The following TLN2 variants were observed in gnomAD, a reference collection of about 807,000 sequenced individuals.
The protein encoded by TLN2 is talin 2, also known as talin-2.
Under a neutral mutation model 294.7 loss-of-function variants are expected in TLN2, and 118 were observed. The ratio of observed to expected loss-of-function variants is 0.40; its 90% CI spans 0.34 to 0.47. TLN2 has a LOEUF of 0.47. Among genes scored for constraint, TLN2 ranks in the 20% least tolerant of loss-of-function variants. The pLI is 0.84. For missense variants in TLN2, 3,083 were observed against 3,282.2 expected, an observed-to-expected ratio of 0.94 and a Z score of 1.48; for synonymous variants, 1,431 against 1,304.5, an observed-to-expected ratio of 1.10 and a Z score of -2.09.
intron 34 of TLN2, 132 bp from the exon 35 acceptor site, chr15:62,752,173 C>T: frequency 1.6e-6 from 2 of 1,220,242 alleles, no homozygotes; most frequent in Admixed American, 2.3e-5. Context: ...TCTTTTTAAT[C>T]CAAATAAAGG....
intron 1 of TLN2, among the ~76,000 whole-genome samples, chr15:62,491,351 TACACACACACACACACACAC>T (rs1166046640): frequency 7.0e-5 from 7 of 100,296 alleles, no homozygotes; most frequent in African/African-American, 2.2e-4. Context: ...TATATATATA[TACACACACACACACACACAC>T]ACACACACAC....
chr15:62,624,590 G>A (rs2049112356), intron 3 of TLN2, among the ~76,000 whole-genome samples: 1 of 150,094 alleles, frequency 6.7e-6, no homozygotes, highest in African/African-American at 2.5e-5. Flanking sequence ...CAGAAGAGCA[G>A]AGAAGGAAGA....
intron 3 of TLN2, among the ~76,000 whole-genome samples, chr15:62,635,474 T>C (rs1278360475): frequency 6.6e-6 from 1 of 152,166 alleles, no homozygotes; most frequent in Non-Finnish European, 1.5e-5. Context: ...GTAATTAGAA[T>C]GGGGAAAACT....
chr15:62,828,365 G>A (rs866292442), intron 54 of TLN2: 1 of 150,624 alleles, frequency 6.6e-6, no homozygotes, highest in Middle Eastern at 3.4e-3. Flanking sequence ...AAATGAAGGG[G>A]AAGGGGGAAA....
chr15:62,840,763 G>T lies in TLN2; in HGVS notation c.*153G>T, dbSNP rs112547592. The stretch of plus-strand genomic sequence containing the variant: ...GTGCTTGTTCTCACATCTCTGTCCC[G>T]TCGGCACTGGCTGCATGATCGTGAT... On this transcript the variant is annotated 3_prime_UTR_variant, in exon 59 of 59. Transcript: ENST00000636159. 3 of 1,064,136 alleles carry T rather than the reference G, an allele frequency of 2.8e-6. No individual in the cohort carries two copies. In the East Asian group the frequency reaches 7.9e-5, roughly 28 times the overall value. 65.9% of individuals were successfully genotyped at this position (1,064,136 alleles called of 1,614,324 possible). A position where few individuals can be genotyped will look rare whatever the true frequency, so the allele number is the denominator to read the frequency against.
chr15:62,735,395 T>A (rs193017876), intron 28 of TLN2, among the ~76,000 whole-genome samples: 244 of 152,236 alleles, frequency 1.6e-3, no homozygotes, highest in African/African-American at 5.5e-3. Context: ...TATCACCAAA[T>A]CCCATCATCT....
chr15:62,464,440 G>T (rs1338089304), intron 1 of TLN2, among the ~76,000 whole-genome samples: 1 of 152,070 alleles, frequency 6.6e-6, no homozygotes, highest in African/African-American at 2.4e-5. Context: ...GGGGGAGTGG[G>T]GAGGGATAGC....
At chr15:62,496,038 C>T (rs534246436) in intron 1 of TLN2, among the ~76,000 whole-genome samples, 49 of 152,084 alleles carry the variant, frequency 3.2e-4, no homozygotes, top group Admixed American at 1.7e-3. Flanking sequence ...TGATCATGAT[C>T]TAAGCACTAG....
At chr15:62,487,301 A>C (rs989661956) in intron 1 of TLN2, among the ~76,000 whole-genome samples, 10 of 152,194 alleles carry the variant, frequency 6.6e-5, no homozygotes, top group African/African-American at 2.4e-4. Flanking sequence ...TTCACCGATT[A>C]TGAGATTCCT....
intron 1 of TLN2, among the ~76,000 whole-genome samples, chr15:62,522,913 A>AAATG (rs2040532106): frequency 1.3e-5 from 2 of 151,402 alleles, no homozygotes. Context: ...GCTGCTAATG[A>AAATG]AATGAGTGGT....
At chr15:62,419,998 C>T (rs1413874651) in intron 1 of TLN2, among the ~76,000 whole-genome samples, 1 of 152,166 alleles carries the variant, frequency 6.6e-6, no homozygotes, top group Non-Finnish European at 1.5e-5. Flanking sequence ...TGGGCTTCTG[C>T]CAGGGCTCTT....
intron 37 of TLN2, 70 bp from the exon 38 acceptor site, chr15:62,761,611 G>T (rs2141021383): frequency 1.3e-5 from 20 of 1,597,842 alleles, no homozygotes; most frequent in East Asian, 2.2e-5. Flanking sequence ...TCACTAAGAG[G>T]TGATTACTGT....
rs146433993 is a variant in TLN2, at chr15:62,435,821, C to T, written c.-238+45136C>T. 1.7e-3 allele frequency among the ~76,000 whole-genome samples: 254 copies of T among 152,290 alleles called. 1 individual carries two copies. The highest frequency in any genetic ancestry group is 0.01 in the Middle Eastern group (3 of 294). ...CCTCCCAAAATGCTAGGATTACAGG[C>T]GTGAGCCACCATGCCAGGCCTTGCT... On this transcript the variant is annotated intron_variant, in intron 1 of 58. Transcript: ENST00000636159.
intron 2 of TLN2, among the ~76,000 whole-genome samples, chr15:62,602,880 T>C (rs1233081439): frequency 6.6e-6 from 1 of 151,348 alleles, no homozygotes; most frequent in East Asian, 1.9e-4. Context: ...TTTTTTTTTT[T>C]TAAATTTTTA....
At chr15:62,478,818 G>C (rs28422768) in intron 1 of TLN2, among the ~76,000 whole-genome samples, 1 of 152,178 alleles carries the variant, frequency 6.6e-6, no homozygotes, top group Non-Finnish European at 1.5e-5. Context: ...TAGTGTCTTA[G>C]GTGTTTTAAA....
At position 62,761,774 on chromosome 15, in the gene TLN2, G is replaced by C; in HGVS notation, c.4732G>C (p.Ala1578Pro). The change falls in exon 38 of 59, where the codon GCC becomes CCC. Residue 1578 changes from alanine (A) to proline (P), a missense_variant. Coordinates refer to ENST00000636159, the MANE Select transcript of TLN2 (RefSeq NM_015059.3). ...AGCTGTGGAGAACCTGACAGCGTTC[G>C]CCTCAAACCCTGAGTTTGTCAGCAT... ...IEAVENLTAF[A>P]SNPEFVSIPA... 24 of 1,614,106 alleles carry C rather than the reference G, an allele frequency of 1.5e-5. No individual in the cohort carries two copies. The highest frequency in any genetic ancestry group is 2.0e-5 in the Non-Finnish European group (24 of 1,180,016).
At chr15:62,790,514 A>G (rs1157468499) in intron 45 of TLN2, among the ~76,000 whole-genome samples, 1 of 152,220 alleles carries the variant, frequency 6.6e-6, no homozygotes, top group Non-Finnish European at 1.5e-5. Flanking sequence ...TAAAATGGGG[A>G]GGTTGAACTG....
chr15:62,732,297 G>A (rs1041927623), intron 28 of TLN2, among the ~76,000 whole-genome samples: 2 of 152,178 alleles, frequency 1.3e-5, no homozygotes, highest in African/African-American at 4.8e-5. Context: ...TGTCTAGTTG[G>A]TGTCTGAAAA....
At chr15:62,470,884 A>G (rs1454621789) in intron 1 of TLN2, among the ~76,000 whole-genome samples, 3 of 152,264 alleles carry the variant, frequency 2.0e-5, no homozygotes, top group Non-Finnish European at 4.4e-5. Flanking sequence ...CATTAGTCAT[A>G]GTAGGCCTTA....
Sources: allele counts gnomAD v4.1 joint callset (sites outside exome capture counted in the v4.1 genomes callset), GRCh38; gene constraint gnomAD v4.1.1; transcripts MANE v1.5; gene names NCBI Gene and HGNC (gene_info 2026-07-23, HGNC 2026-07-21).